The following ZNF317 variants were observed in gnomAD, a reference collection of about 807,000 sequenced individuals.
ZNF317 encodes the protein zinc finger protein 317.
A neutral mutation model predicts 23.4 loss-of-function variants in ZNF317; 17 were observed. The ratio of observed to expected loss-of-function variants is 0.73; its 90% CI spans 0.50 to 1.09. The LOEUF (loss-of-function observed/expected upper bound fraction) is 1.09, where lower values mean the gene tolerates loss of function less well. ZNF317 is among the 50% of genes least tolerant of loss of function. The probability of loss-of-function intolerance (pLI) is 0.00; values close to 1 mark genes in which losing one functional copy is unlikely to be tolerated. For synonymous variants in ZNF317, 317 were observed against 314.9 expected (o/e 1.01, Z -0.07); for missense variants, 679 against 796.7 (o/e 0.85, Z 1.78).
intron 5 of ZNF317, among the ~76,000 whole-genome samples, chr19:9,158,490 C>T (rs2050812709): frequency 6.8e-6 from 1 of 146,954 alleles, no homozygotes; most frequent in African/African-American, 2.5e-5. Flanking sequence ...AGGCATGATG[C>T]CGCCATGCCT....
chr19:9,146,212 A>T (rs1340805079), intron 1 of ZNF317, among the ~76,000 whole-genome samples: 2 of 151,714 alleles, frequency 1.3e-5, no homozygotes, highest in Non-Finnish European at 1.5e-5. Flanking sequence ...GGAAGGTTTA[A>T]TTGGGGCACC....
chr19:9,160,238 A>T lies in ZNF317; in HGVS notation c.593A>T (p.Asp198Val), dbSNP rs760372566. 4 of 1,614,010 alleles carry T rather than the reference A, an allele frequency of 2.5e-6. No individual in the cohort carries two copies. In the African/African-American group the frequency reaches 4.0e-5, roughly 16 times the overall value. ...GGCAAGAGGCCCTATCACCGCCGCG[A>T]CTATGGGGTAGCGTTCAAGGGCAGG... ...HAGKRPYHRRDYGVAFKGRPH... is the reference protein window; with the variant it reads ...HAGKRPYHRRVYGVAFKGRPH... The change falls in exon 7 of 7, where the codon GAC (aspartate) becomes GTC (valine). Residue 198 changes from aspartate (D) to valine (V), a missense_variant. By Grantham distance (152) the Asp-to-Val change is radical (BLOSUM62 -3). Transcript: ENST00000247956. The surrounding 1 kb of genome is among the most constrained non-coding windows in gnomAD (Gnocchi z 6.8).
chr19:9,156,148 G>A, intron 2 of ZNF317, 107 bp downstream of exon 2: 1 of 1,435,974 alleles, frequency 7.0e-7, no homozygotes, highest in East Asian at 2.3e-5. Flanking sequence ...GGGAGAGGAT[G>A]GGCAAGTGGA....
At chr19:9,158,795 C>T in intron 5 of ZNF317, 31 bp from the exon 6 acceptor site, 1 of 1,451,974 alleles carries the variant, frequency 6.9e-7, no homozygotes, top group Non-Finnish European at 9.7e-7. Flanking sequence ...TTTCCTTTTC[C>T]AACAATTAAT....
intron 1 of ZNF317, among the ~76,000 whole-genome samples, chr19:9,142,562 C>T (rs1410749540): frequency 1.1e-5 from 1 of 94,840 alleles, no homozygotes. Context: ...TTTTTTTTTG[C>T]CATTATGTAT....
Position 9,161,740 on chromosome 19 carries a change from G to A in ZNF317, c.*307G>A. ...ATTTAATGTCAAAATCCAAGCCGTG[G>A]CATTTAATGTCAAAATGACTTCAGA... On this transcript the variant is annotated 3_prime_UTR_variant, in exon 7 of 7. Coordinates refer to ENST00000247956, the MANE Select transcript of ZNF317 (RefSeq NM_020933.5). The surrounding 1 kb of genome is among the most constrained non-coding windows in gnomAD (Gnocchi z 4.0). 1 of 320,360 alleles carries A rather than the reference G, an allele frequency of 3.1e-6. No individual in the cohort carries two copies. Among genetic ancestry groups the A allele is most frequent in the Non-Finnish European group, 5.8e-6 (1 of 172,610 alleles). 19.8% of individuals were successfully genotyped at this position (320,360 alleles called of 1,614,324 possible). A position where few individuals can be genotyped will look rare whatever the true frequency, so the allele number is the denominator to read the frequency against.
rs1024613471 is a variant in ZNF317, at chr19:9,156,172, C to T, written c.25+131C>T. 40 of 1,183,128 alleles carry T rather than the reference C, an allele frequency of 3.4e-5. No individual in the cohort carries two copies. In the South Asian group the frequency reaches 4.7e-4, roughly 14 times the overall value. 73.3% of individuals were successfully genotyped at this position (1,183,128 alleles called of 1,614,324 possible). On this transcript the variant is annotated intron_variant, in intron 2 of 6. Transcript: ENST00000247956. Reference sequence around the variant, plus strand: ...TGGGCAAGTGGAAAAGGGGTGGGAACAGAGCCCCAGCAGCCACCCCAGTGA... The same window carrying T: ...TGGGCAAGTGGAAAAGGGGTGGGAATAGAGCCCCAGCAGCCACCCCAGTGA...
intron 1 of ZNF317, among the ~76,000 whole-genome samples, 152 bp from the exon 2 acceptor site, chr19:9,155,769 TGAGA>T (rs990521226): frequency 4.6e-5 from 7 of 152,298 alleles, no homozygotes; most frequent in Admixed American, 2.0e-4. Context: ...ACCACATTGC[TGAGA>T]GAGTTTACCT....
intron 3 of ZNF317, 56 bp from the exon 4 acceptor site, chr19:9,157,212 C>G: frequency 6.3e-7 from 1 of 1,595,730 alleles, no homozygotes; most frequent in Non-Finnish European, 8.5e-7. Context: ...AGCCATCTTA[C>G]CATGAACATC....
chr19:9,160,093 C>T lies in ZNF317; in HGVS notation c.469-21C>T. The T allele has an allele frequency of 1.2e-6, 2 of 1,612,752 alleles. No homozygotes were observed. Among genetic ancestry groups the T allele is most frequent in the Non-Finnish European group, 1.7e-6 (2 of 1,178,898 alleles). The stretch of plus-strand genomic sequence containing the variant: ...TGAATATGAGAATTGCCTTTGTCAG[C>T]ACTTACGTCTTAACCAACAGGAAAG... On this transcript the variant is annotated intron_variant, in intron 6 of 6. Transcript: ENST00000247956. This position sits in a 1 kb window ranked among gnomAD's most constrained non-coding sequence, Gnocchi z 6.8.
chr19:9,161,051 C>A lies in ZNF317; in HGVS notation c.1406C>A (p.Thr469Lys), dbSNP rs765614441. Residue 469 changes from threonine to lysine, a missense_variant, in exon 7 of 7, where the codon ACG becomes AAG. By Grantham distance (78) the Thr-to-Lys change is moderately conservative (BLOSUM62 -1). Coordinates refer to ENST00000247956, the MANE Select transcript of ZNF317 (RefSeq NM_020933.5). The surrounding 1 kb of genome is among the most constrained non-coding windows in gnomAD (Gnocchi z 4.0). ...CTCACCGCACACAGGAAGATACACA[C>A]GCAAGAGAGACGCTACGAATGCGCC... Reference protein sequence around the residue: ...SNLTAHRKIHTQERRYECAAC... With the variant: ...SNLTAHRKIHKQERRYECAAC... 1.2e-6 allele frequency: 2 copies of A among 1,614,094 alleles called. No homozygotes were observed. The highest frequency in any genetic ancestry group is 1.3e-5 in the African/African-American group (1 of 75,020).
At chr19:9,155,872 C>A in intron 1 of ZNF317, 53 bp from the exon 2 acceptor site, 1 of 966,894 alleles carries the variant, frequency 1.0e-6, no homozygotes, top group Non-Finnish European at 1.6e-6. Flanking sequence ...CTTTGGTGAG[C>A]AGGAGAGACA....
rs1568314596 is a variant in ZNF317 at position 9,157,699 on chromosome 19, TTTTA to T, written c.290-277_290-274del. 8.3e-3 allele frequency: 4,265 copies of T among 515,104 alleles called. 156 individuals carry two copies. Among genetic ancestry groups the T allele is most frequent in the African/African-American group, 0.077 (3,898 of 50,906 alleles). The allele number at this position is 515,104 out of a possible 1,614,324, so 31.9% of individuals were successfully genotyped here. On this transcript the variant is annotated intron_variant, in intron 4 of 6. Coordinates refer to ENST00000247956, the MANE Select transcript of ZNF317 (RefSeq NM_020933.5). ...CCTATTTCTTTTTTTTTTTTTTTTT[TTTTA>T]TTTTTGGTGATGAAGGGTTCTCACT...
intron 3 of ZNF317, 184 bp from the exon 4 acceptor site, chr19:9,157,084 G>T: frequency 1.4e-6 from 1 of 728,720 alleles, no homozygotes. Flanking sequence ...CACAGGACAA[G>T]ATGGCCTCAA....
chr19:9,158,220 C>A, intron 5 of ZNF317, 145 bp downstream of exon 5: 3 of 1,093,606 alleles, frequency 2.7e-6, no homozygotes, highest in Non-Finnish European at 3.7e-6. Flanking sequence ...TCTGACAAAT[C>A]TTTTGGTCCA....
intron 3 of ZNF317, 149 bp from the exon 4 acceptor site, chr19:9,157,119 T>C: frequency 1.1e-6 from 1 of 949,778 alleles, no homozygotes; most frequent in East Asian, 2.6e-5. Flanking sequence ...GTCTGAGGAC[T>C]GATGCCTGGA....
chr19:9,145,113 C>T (rs1600222257), intron 1 of ZNF317, among the ~76,000 whole-genome samples: 1 of 151,998 alleles, frequency 6.6e-6, no homozygotes, highest in Non-Finnish European at 1.5e-5. Flanking sequence ...GGCGTAATCT[C>T]GTCTCACTGC....
intron 1 of ZNF317, among the ~76,000 whole-genome samples, chr19:9,142,830 G>A (rs944702178): frequency 4.6e-5 from 7 of 151,924 alleles, no homozygotes; most frequent in Non-Finnish European, 7.4e-5. Context: ...TTTTGGCTTC[G>A]GTTTGCTAAT....
At chr19:9,143,545 C>G (rs2050653211) in intron 1 of ZNF317, among the ~76,000 whole-genome samples, 1 of 151,888 alleles carries the variant, frequency 6.6e-6, no homozygotes, top group Non-Finnish European at 1.5e-5. Flanking sequence ...ATTTCTGTGA[C>G]TTTTTTTCTG....
Sources: gnomAD v4.1 joint callset for allele counts (sites outside exome capture counted in the v4.1 genomes callset) on GRCh38, gnomAD v4.1.1 for gene constraint, Gnocchi (gnomAD v3.1) non-coding constraint, MANE v1.5 for transcripts, NCBI Gene and HGNC (gene_info 2026-07-23, HGNC 2026-07-21) for gene names.